CPLANE1: variants seen among roughly 807,000 people sequenced by gnomAD.
The protein encoded by CPLANE1 is ciliogenesis and planar polarity effector complex subunit 1.
A neutral mutation model predicts 362.5 loss-of-function variants in CPLANE1; 263 were observed. That is an observed-to-expected ratio of 0.73 (90% CI 0.66 to 0.80). CPLANE1 has a LOEUF of 0.80. CPLANE1 is among the 30% of genes least tolerant of loss of function. The probability of loss-of-function intolerance (pLI) is 0.00; values close to 1 mark genes in which losing one functional copy is unlikely to be tolerated. For missense variants in CPLANE1, 3,461 were observed against 3,793.4 expected, an observed-to-expected ratio of 0.91 and a Z score of 2.30; for synonymous variants, 1,212 against 1,302.6, an observed-to-expected ratio of 0.93 and a Z score of 1.50.
rs1010360550 is a variant in CPLANE1, at chr5:37,107,208, G to T, written c.*394C>A. 6 of 988,704 alleles carry T rather than the reference G, an allele frequency of 6.1e-6. No individual in the cohort carries two copies. Among genetic ancestry groups the T allele is most frequent in the Non-Finnish European group, 7.2e-6 (6 of 832,080 alleles). 61.2% of individuals were successfully genotyped at this position (988,704 alleles called of 1,614,324 possible). A position where few individuals can be genotyped will look rare whatever the true frequency, so the allele number is the denominator to read the frequency against. On this transcript the variant is annotated 3_prime_UTR_variant, in exon 53 of 53. Coordinates refer to ENST00000651892, the MANE Select transcript of CPLANE1 (RefSeq NM_001384732.1). ...AGACTGATTTTCTTCTCAATGAAAA[G>T]ATTTTTTTTTTTCCTATTAGATTCA...
chr5:37,220,927 AATT>A (rs1389704196), intron 15 of CPLANE1, among the ~76,000 whole-genome samples: 1 of 152,228 alleles, frequency 6.6e-6, no homozygotes, highest in South Asian at 2.1e-4. Flanking sequence ...TGGGTCCTAA[AATT>A]ATGTCTAACA....
At chr5:37,228,557 T>C (rs1439485945) in intron 9 of CPLANE1, among the ~76,000 whole-genome samples, 1 of 152,170 alleles carries the variant, frequency 6.6e-6, no homozygotes, top group East Asian at 1.9e-4. Flanking sequence ...ATGTAAAAGA[T>C]ATACTGTGAA....
chr5:37,123,440 C>T (rs1309214287), intron 47 of CPLANE1, among the ~76,000 whole-genome samples: 1 of 152,120 alleles, frequency 6.6e-6, no homozygotes, highest in Non-Finnish European at 1.5e-5. Flanking sequence ...CTCACTAATC[C>T]CATCCCTTTA....
intron 46 of CPLANE1, among the ~76,000 whole-genome samples, chr5:37,135,527 G>C (rs1004441185): frequency 2.0e-5 from 3 of 152,090 alleles, no homozygotes; most frequent in African/African-American, 7.2e-5. Flanking sequence ...AGCAAAAGGG[G>C]AAGTCCCTTA....
chr5:37,178,432 T>C (rs1205286697), intron 29 of CPLANE1, among the ~76,000 whole-genome samples: 1 of 151,218 alleles, frequency 6.6e-6, no homozygotes, highest in African/African-American at 2.4e-5. Context: ...GCCCAGTCTC[T>C]ACAAAAAAAT....
chr5:37,200,703 G>A (rs976696108), intron 19 of CPLANE1, among the ~76,000 whole-genome samples: 2 of 151,820 alleles, frequency 1.3e-5, no homozygotes, highest in Non-Finnish European at 2.9e-5. Context: ...ATAATGTTAT[G>A]ATTTTTTAAT....
the CPLANE1 span, among the ~76,000 whole-genome samples, chr5:37,098,852 A>C: frequency 1.2e-4 from 18 of 151,326 alleles, no homozygotes; most frequent in Admixed American, 3.3e-4. Context: ...TGAAAACACA[A>C]TGTACCACAA....
intron 32 of CPLANE1, among the ~76,000 whole-genome samples, chr5:37,170,944 A>G (rs943417036): frequency 6.6e-6 from 1 of 152,180 alleles, no homozygotes; most frequent in Admixed American, 6.5e-5. Flanking sequence ...ACACACACGA[A>G]AAAAGACAGA....
At chr5:37,190,214 G>A (rs1427747797) in intron 21 of CPLANE1, among the ~76,000 whole-genome samples, 2 of 151,902 alleles carry the variant, frequency 1.3e-5, no homozygotes, top group Non-Finnish European at 2.9e-5. Context: ...ACAAACGATC[G>A]AGTTTCCACA....
the CPLANE1 span, among the ~76,000 whole-genome samples, chr5:37,081,349 C>A: frequency 6.6e-6 from 1 of 152,092 alleles, no homozygotes; most frequent in African/African-American, 2.4e-5. Context: ...GAGTCTCTCT[C>A]TCTCTCTCTG....
At chr5:37,235,567 CTTTTTTTTT>C (rs546612161) in intron 8 of CPLANE1, among the ~76,000 whole-genome samples, 171 of 93,366 alleles carry the variant, frequency 1.8e-3, no homozygotes, top group African/African-American at 7.5e-3. Context: ...TATCTAATTT[CTTTTTTTTT>C]TTTTTTTTTT....
the CPLANE1 span, chr5:37,085,253 G>T: frequency 5.9e-6 from 5 of 853,142 alleles, no homozygotes; most frequent in African/African-American, 1.7e-5. Context: ...TTTGCATGCA[G>T]GGGTTCATTA....
chr5:37,143,986 C>T lies in CPLANE1; in HGVS notation c.8462-1506G>A, dbSNP rs1316768440. Among the ~76,000 whole-genome samples the T allele has an allele frequency of 2.0e-5, 3 of 150,466 alleles. No homozygotes were observed. In the East Asian group the frequency reaches 5.8e-4, roughly 29 times the overall value. ...GAACAGAGTGAGGAGGTCCAACATGCCTCTATTAGGTGTTTTAGAGAGAAA... is the reference window on the plus strand; with the variant it reads ...GAACAGAGTGAGGAGGTCCAACATGTCTCTATTAGGTGTTTTAGAGAGAAA... On this transcript the variant is annotated intron_variant, in intron 43 of 52. Coordinates refer to ENST00000651892, the MANE Select transcript of CPLANE1 (RefSeq NM_001384732.1).
intron 39 of CPLANE1, 76 bp downstream of exon 39, chr5:37,158,148 A>C: frequency 6.8e-7 from 1 of 1,477,856 alleles, no homozygotes; most frequent in Admixed American, 1.8e-5. Context: ...TCATCTACCC[A>C]ATTGAATAAT....
the CPLANE1 span, among the ~76,000 whole-genome samples, chr5:37,078,563 C>T: frequency 1.3e-5 from 2 of 152,208 alleles, no homozygotes; most frequent in Admixed American, 1.3e-4. Context: ...TGGATATATA[C>T]CCAGCAATGG....
chr5:37,163,466 G>C (rs1777413141), intron 37 of CPLANE1, among the ~76,000 whole-genome samples: 1 of 152,142 alleles, frequency 6.6e-6, no homozygotes, highest in South Asian at 2.1e-4. Context: ...AACTCAAGAG[G>C]AAAGAAAATC....
At chr5:37,101,572 T>C (rs1757294755), downstream of CPLANE1, among the ~76,000 whole-genome samples, 1 of 152,208 alleles carries the variant, frequency 6.6e-6, no homozygotes, top group Admixed American at 6.5e-5. Flanking sequence ...TTTCTTTTTT[T>C]GTCATATCTC....
At chr5:37,213,121 T>C (rs1361423169) in intron 16 of CPLANE1, among the ~76,000 whole-genome samples, 1 of 152,170 alleles carries the variant, frequency 6.6e-6, no homozygotes, top group African/African-American at 2.4e-5. Context: ...GGCAGGAAAA[T>C]TGCTTGAACC....
At chr5:37,090,786 T>C in the CPLANE1 span, among the ~76,000 whole-genome samples, 1 of 152,158 alleles carries the variant, frequency 6.6e-6, no homozygotes, top group Admixed American at 6.6e-5. Flanking sequence ...CCCATAAATA[T>C]TGTAAATGAC....
Sources: gnomAD v4.1 joint callset for allele counts (sites outside exome capture counted in the v4.1 genomes callset) on GRCh38, gnomAD v4.1.1 for gene constraint, MANE v1.5 for transcripts, NCBI Gene and HGNC (gene_info 2026-07-23, HGNC 2026-07-21) for gene names.